CWC27: variants seen among roughly 807,000 people sequenced by gnomAD.
The protein encoded by CWC27 is spliceosome-associated protein CWC27 homolog.
In CWC27, 47 loss-of-function variants were observed where a neutral mutation model predicts 63.6. The ratio of observed to expected loss-of-function variants is 0.74; its 90% CI spans 0.58 to 0.94. The LOEUF (loss-of-function observed/expected upper bound fraction) is 0.94, where lower values mean the gene tolerates loss of function less well. Ranked by LOEUF, CWC27 falls within the 40% of genes least tolerant of loss-of-function variation. CWC27 has a pLI of 0.00. For synonymous variants in CWC27, 175 were observed against 179.8 expected, an observed-to-expected ratio of 0.97 and a Z score of 0.22; for missense variants, 495 against 554.3, an observed-to-expected ratio of 0.89 and a Z score of 1.07.
At chr5:64,869,292 A>C (rs964609637) in intron 10 of CWC27, among the ~76,000 whole-genome samples, 1 of 152,108 alleles carries the variant, frequency 6.6e-6, no homozygotes, top group African/African-American at 2.4e-5. Context: ...AAGAACCCAC[A>C]TAAATATAAA....
intron 7 of CWC27, among the ~76,000 whole-genome samples, chr5:64,798,943 A>G (rs1009273566): frequency 1.3e-5 from 2 of 152,186 alleles, no homozygotes; most frequent in African/African-American, 4.8e-5. Flanking sequence ...TCCCCCCTCA[A>G]GATACAGGGT....
chr5:64,780,055 C>G (rs1413832348), intron 2 of CWC27, among the ~76,000 whole-genome samples: 1 of 152,132 alleles, frequency 6.6e-6, no homozygotes, highest in African/African-American at 2.4e-5. Flanking sequence ...TGAGAATGGA[C>G]TAATATACCC....
At position 64,878,470 on chromosome 5, in the gene CWC27, T is replaced by TAAAAAAAAAAAA. The variant is rs397998002; in HGVS notation, c.939-6954_939-6943dup. ...GTCAGCACTGTCCTGGGTTACAGAT[T>TAAAAAAAAAAAA]AAAAAAAAAAAAAAAAAAAAAAAAA... is the stretch of plus-strand genomic sequence containing the variant. On this transcript the variant is annotated intron_variant, in intron 10 of 13. Coordinates refer to ENST00000381070, the MANE Select transcript of CWC27 (RefSeq NM_005869.4). 1.0e-2 allele frequency among the ~76,000 whole-genome samples: 269 copies of TAAAAAAAAAAAA among 26,940 alleles called. 61 individuals are homozygous for TAAAAAAAAAAAA. The highest frequency in any genetic ancestry group is 0.017 in the East Asian group (11 of 638). The allele number at this position is 26,940 out of a possible 152,430, so 17.7% of individuals were successfully genotyped here. A position where few individuals can be genotyped will look rare whatever the true frequency, so the allele number is the denominator to read the frequency against.
At chr5:64,953,246 A>G (rs1325904808) in intron 11 of CWC27, among the ~76,000 whole-genome samples, 2 of 152,082 alleles carry the variant, frequency 1.3e-5, no homozygotes. Flanking sequence ...TCTTATTCAC[A>G]CTGTTATTAT....
chr5:64,860,355 A>T (rs1040260483), intron 10 of CWC27, among the ~76,000 whole-genome samples: 1 of 152,128 alleles, frequency 6.6e-6, no homozygotes, highest in African/African-American at 2.4e-5. Context: ...AACACAAAAC[A>T]TCTCTATCTG....
chr5:64,789,789 C>CT (rs1462395859), intron 7 of CWC27, among the ~76,000 whole-genome samples: 1 of 152,030 alleles, frequency 6.6e-6, no homozygotes, highest in African/African-American at 2.4e-5. Flanking sequence ...ATATGCCTTT[C>CT]TTTTTTGAAA....
At chr5:64,921,370 T>G (rs566090620) in intron 11 of CWC27, among the ~76,000 whole-genome samples, 4 of 152,154 alleles carry the variant, frequency 2.6e-5, no homozygotes, top group African/African-American at 7.2e-5. Flanking sequence ...TCAGTCTTAG[T>G]GTAGCTCCCA....
intron 11 of CWC27, among the ~76,000 whole-genome samples, chr5:64,910,232 C>T (rs569853862): frequency 4.4e-4 from 67 of 152,310 alleles, no homozygotes; most frequent in African/African-American, 1.4e-3. Flanking sequence ...CACTCCAGAC[C>T]CTGTTTGCCT....
intron 13 of CWC27, among the ~76,000 whole-genome samples, chr5:64,993,978 T>C (rs1452792621): frequency 6.6e-6 from 1 of 152,226 alleles, no homozygotes; most frequent in Non-Finnish European, 1.5e-5. Context: ...ATGCATAATT[T>C]CTACATAGTT....
chr5:64,845,031 A>G (rs1745938685), intron 10 of CWC27: 2 of 456,598 alleles, frequency 4.4e-6, no homozygotes, highest in African/African-American at 2.0e-5. Context: ...TGGCCTGATG[A>G]GAAGCCATCA....
intron 11 of CWC27, among the ~76,000 whole-genome samples, chr5:64,926,503 A>G (rs1479058063): frequency 1.3e-5 from 2 of 151,984 alleles, no homozygotes; most frequent in Admixed American, 6.6e-5. Context: ...AATGCTTACT[A>G]TATTATATTC....
At chr5:64,772,129 G>T (rs1743278785) in intron 1 of CWC27, among the ~76,000 whole-genome samples, 1 of 152,110 alleles carries the variant, frequency 6.6e-6, no homozygotes, top group African/African-American at 2.4e-5. Context: ...TAAATGGAAG[G>T]GCCAGTATTT....
At chr5:64,824,510 G>GTGCATAT (rs1055934193) in intron 10 of CWC27, among the ~76,000 whole-genome samples, 1 of 152,074 alleles carries the variant, frequency 6.6e-6, no homozygotes. Flanking sequence ...AAAGATGGTT[G>GTGCATAT]TGCATATTGT....
At chr5:64,958,846 A>G (rs1327806085) in intron 11 of CWC27, among the ~76,000 whole-genome samples, 2 of 152,168 alleles carry the variant, frequency 1.3e-5, no homozygotes, top group Non-Finnish European at 2.9e-5. Context: ...TAACACTTCC[A>G]TGTAAATTAG....
intron 10 of CWC27, among the ~76,000 whole-genome samples, chr5:64,812,657 GTA>G (rs1744910564): frequency 6.6e-6 from 1 of 151,892 alleles, no homozygotes; most frequent in Admixed American, 6.6e-5. Flanking sequence ...TTTTATTTTT[GTA>G]TATTTTTTCC....
At chr5:64,815,627 G>A (rs1297912152) in intron 10 of CWC27, among the ~76,000 whole-genome samples, 1 of 151,960 alleles carries the variant, frequency 6.6e-6, no homozygotes, top group Non-Finnish European at 1.5e-5. Flanking sequence ...CATATTCCTG[G>A]CAGCCTGGAG....
chr5:64,884,048 A>C (rs1374221659), intron 10 of CWC27: 1 of 152,062 alleles, frequency 6.6e-6, no homozygotes, highest in African/African-American at 2.4e-5. Context: ...CTCCCCCAAC[A>C]TGTTGCTAGC....
At chr5:64,815,220 T>A (rs992823636) in intron 10 of CWC27, among the ~76,000 whole-genome samples, 3 of 152,166 alleles carry the variant, frequency 2.0e-5, no homozygotes, top group African/African-American at 7.2e-5. Flanking sequence ...TGCACCCAAA[T>A]CTCAGTGGCT....
At chr5:64,948,296 T>C (rs1748630455) in intron 11 of CWC27, among the ~76,000 whole-genome samples, 1 of 152,066 alleles carries the variant, frequency 6.6e-6, no homozygotes, top group Non-Finnish European at 1.5e-5. Context: ...ATAATGGTTT[T>C]AAATATTGTT....
Sources: gnomAD v4.1 joint callset for allele counts (sites outside exome capture counted in the v4.1 genomes callset) on GRCh38, gnomAD v4.1.1 for gene constraint, MANE v1.5 for transcripts, NCBI Gene and HGNC (gene_info 2026-07-23, HGNC 2026-07-21) for gene names.